MYH14: variants seen among roughly 807,000 people sequenced by gnomAD.
The protein encoded by MYH14 is myosin-14.
Under a neutral mutation model 255.5 loss-of-function variants are expected in MYH14, and 123 were observed. That is an observed-to-expected ratio of 0.48 (90% CI 0.42 to 0.56). The LOEUF is 0.56. Among genes scored for constraint, MYH14 ranks in the 20% least tolerant of loss-of-function variants. MYH14 has a pLI of 0.00. For missense variants in MYH14, 2,423 were observed against 2,802.3 expected (o/e 0.86, Z 3.06); for synonymous variants, 1,095 against 1,161.2 (o/e 0.94, Z 1.16).
Position 50,259,108 on chromosome 19 carries a change from GC to G in MYH14, c.2233-34del, listed in dbSNP as rs1568508449. On this transcript the variant is annotated intron_variant, in intron 18 of 42. Coordinates refer to ENST00000642316, the MANE Select transcript of MYH14 (RefSeq NM_001145809.2). Reference sequence around the variant, plus strand: ...GACCGTTTGGCGCCCCCGTGTGGCCGCCGCTGACCCCCGCGTGTCCGTCCGC... The same window carrying G: ...GACCGTTTGGCGCCCCCGTGTGGCCGCGCTGACCCCCGCGTGTCCGTCCGC... 5 of 1,530,118 alleles carry G rather than the reference GC, an allele frequency of 3.3e-6. No individual in the cohort carries two copies. In the Admixed American group the frequency reaches 1.0e-4, roughly 32 times the overall value. 94.8% of individuals were successfully genotyped at this position (1,530,118 alleles called of 1,614,324 possible). A position where few individuals can be genotyped will look rare whatever the true frequency, so the allele number is the denominator to read the frequency against.
Position 50,261,653 on chromosome 19 carries a change from C to G in MYH14, c.2585+18C>G. 2 of 1,575,316 alleles carry G rather than the reference C, an allele frequency of 1.3e-6. No homozygotes were observed. The highest frequency in any genetic ancestry group is 1.7e-6 in the Non-Finnish European group (2 of 1,162,898). ...GCTCGCAGGTGGGCAGCCACGCTGTCTCCCGGGGTCCTGTTGGCCGAGACT... is the reference window on the plus strand; with the variant it reads ...GCTCGCAGGTGGGCAGCCACGCTGTGTCCCGGGGTCCTGTTGGCCGAGACT... On this transcript the variant is annotated intron_variant, in intron 21 of 42. Coordinates refer to ENST00000642316, the MANE Select transcript of MYH14 (RefSeq NM_001145809.2).
In MYH14 at chr19:50,276,227, G is replaced by C. The variant is rs754167357; in HGVS notation, c.3680+24G>C. 1.3e-6 allele frequency: 2 copies of C among 1,499,328 alleles called. No homozygotes were observed. Among genetic ancestry groups the C allele is most frequent in the South Asian group, 2.5e-5 (2 of 79,738 alleles). The allele number at this position is 1,499,328 out of a possible 1,614,324, so 92.9% of individuals were successfully genotyped here. A position where few individuals can be genotyped will look rare whatever the true frequency, so the allele number is the denominator to read the frequency against. On this transcript the variant is annotated intron_variant, in intron 28 of 42. Transcript: ENST00000642316. This position sits in a 1 kb window ranked among gnomAD's most constrained non-coding sequence, Gnocchi z 4.3. The stretch of plus-strand genomic sequence containing the variant: ...CGGTGAGGCCCGGTGGCAGGCCGCT[G>C]TCACAGCCTGTGCACATACAGGGCT...
At chr19:50,262,947 C>G (rs1203656390) in intron 21 of MYH14, among the ~76,000 whole-genome samples, 1 of 152,126 alleles carries the variant, frequency 6.6e-6, no homozygotes, top group Non-Finnish European at 1.5e-5. Context: ...CCCCTGTAAT[C>G]TCAGCACTTT....
At chr19:50,227,388 C>T (rs759946837) in intron 8 of MYH14, among the ~76,000 whole-genome samples, 3 of 152,064 alleles carry the variant, frequency 2.0e-5, no homozygotes, top group Non-Finnish European at 2.9e-5. Context: ...AATGCTGTCC[C>T]GGGGAAGCAC....
At chr19:50,269,966 G>A (rs2035232479) in intron 24 of MYH14, among the ~76,000 whole-genome samples, 1 of 152,178 alleles carries the variant, frequency 6.6e-6, no homozygotes, top group African/African-American at 2.4e-5. Context: ...GTGGCTCAAT[G>A]TGTAATCCCG....
At chr19:50,309,244 C>A in intron 42 of MYH14, 67 bp downstream of exon 42, 1 of 1,482,728 alleles carries the variant, frequency 6.7e-7, no homozygotes, top group Non-Finnish European at 9.4e-7. Context: ...CCCAGGGACG[C>A]GAGGCCGTGC....
chr19:50,280,146 C>G lies in MYH14; in HGVS notation c.4137+5C>G. On this transcript the variant is annotated splice_donor_5th_base_variant and intron_variant, in intron 31 of 42. Coordinates refer to ENST00000642316, the MANE Select transcript of MYH14 (RefSeq NM_001145809.2). The surrounding 1 kb of genome is among the most constrained non-coding windows in gnomAD (Gnocchi z 4.8). ...GCCCAGCTGCACGATGCCCAGGTGA[C>G]CCTGCCTGCCCTTCGGCTCCACCGT... 1 of 1,590,622 alleles carries G rather than the reference C, an allele frequency of 6.3e-7. No homozygotes were observed.
Position 50,271,401 on chromosome 19 carries a change from C to CA in MYH14, c.3034-7dup. 1 of 1,597,524 alleles carries CA rather than the reference C, an allele frequency of 6.3e-7. No homozygotes were observed. The highest frequency in any genetic ancestry group is 8.5e-7 in the Non-Finnish European group (1 of 1,172,522). On this transcript the variant is annotated splice_polypyrimidine_tract_variant and splice_region_variant and intron_variant, in intron 24 of 42. Coordinates refer to ENST00000642316, the MANE Select transcript of MYH14 (RefSeq NM_001145809.2). ...AGTATCCTCACTCCTCCTGCCTTCC[C>CA]ACCCCAGGAGCTAGAGGCCCACCTT...
chr19:50,309,155 A>G lies in MYH14; in HGVS notation c.5938A>G (p.Thr1980Ala). The G allele has an allele frequency of 1.9e-6, 3 of 1,613,788 alleles. No homozygotes were observed. The highest frequency in any genetic ancestry group is 1.7e-6 in the Non-Finnish European group (2 of 1,179,780). Residue 1980 changes from threonine to alanine, a missense_variant, in exon 42 of 43, where the codon ACC (threonine) becomes GCC (alanine). This residue lies in a region of MYH14 where 1,513 missense variants were observed against 1,674.8 expected (regional missense o/e 0.90). Transcript: ENST00000642316. Reference protein sequence around the residue: ...ESAESMNREVTTLRNRLRRGP... With the variant: ...ESAESMNREVATLRNRLRRGP... ...GGCCGAGTCCATGAACCGTGAAGTGACCACACTGAGGAACCGGCTTCGGTA... is the reference window on the plus strand; with the variant it reads ...GGCCGAGTCCATGAACCGTGAAGTGGCCACACTGAGGAACCGGCTTCGGTA...
intron 24 of MYH14, 93 bp downstream of exon 24, chr19:50,268,460 A>C: frequency 7.4e-7 from 1 of 1,350,828 alleles, no homozygotes; most frequent in East Asian, 2.5e-5. Context: ...TCTTTGGGCC[A>C]TGAATTTGTA....
At chr19:50,206,665 T>C (rs2031772967) in intron 1 of MYH14, among the ~76,000 whole-genome samples, 1 of 152,056 alleles carries the variant, frequency 6.6e-6, no homozygotes, top group Non-Finnish European at 1.5e-5. Flanking sequence ...GTGGGTCCTC[T>C]CAGCGGAGCT....
At position 50,291,701 on chromosome 19, in the gene MYH14, C is replaced by G. The variant is rs923728385; in HGVS notation, c.5128-560C>G. 4.6e-5 allele frequency among the ~76,000 whole-genome samples: 7 copies of G among 152,046 alleles called. No individual in the cohort carries two copies. In the South Asian group the frequency reaches 1.5e-3, roughly 32 times the overall value. On this transcript the variant is annotated intron_variant, in intron 36 of 42. Coordinates refer to ENST00000642316, the MANE Select transcript of MYH14 (RefSeq NM_001145809.2). ...CCAATATGGTGAAACCCTGTTTCTA[C>G]TAAAAATACAAGAATTAGCCAGGCA...
intron 35 of MYH14, among the ~76,000 whole-genome samples, chr19:50,290,097 C>T (rs1171367574): frequency 6.6e-6 from 1 of 152,060 alleles, no homozygotes; most frequent in African/African-American, 2.4e-5. Flanking sequence ...CCCCAACCAG[C>T]GTTGTGTCCA....
intron 18 of MYH14, among the ~76,000 whole-genome samples, chr19:50,258,209 C>T (rs796491911): frequency 2.0e-5 from 3 of 151,462 alleles, no homozygotes; most frequent in Non-Finnish European, 4.4e-5. Context: ...GGATTACAGG[C>T]GTGAGCCACC....
At chr19:50,285,374 G>A (rs551862111) in intron 33 of MYH14, 7 of 152,286 alleles carry the variant, frequency 4.6e-5, no homozygotes, top group African/African-American at 7.2e-5. Context: ...TTTTCTCACC[G>A]AGGAAGAGGG....
At chr19:50,246,178 C>T (rs1046715267) in intron 11 of MYH14, among the ~76,000 whole-genome samples, 6 of 140,488 alleles carry the variant, frequency 4.3e-5, no homozygotes, top group African/African-American at 1.6e-4. Flanking sequence ...AATGAAGTCT[C>T]GCCCAGACTG....
rs1378569025 is a variant in MYH14 at position 50,221,893 on chromosome 19, C to T, written c.563-1190C>T. Among the ~76,000 whole-genome samples the T allele has an allele frequency of 6.6e-6, 1 of 152,208 alleles. No individual in the cohort carries two copies. Among genetic ancestry groups the T allele is most frequent in the Non-Finnish European group, 1.5e-5 (1 of 68,044 alleles). On this transcript the variant is annotated intron_variant, in intron 3 of 42. Coordinates refer to ENST00000642316, the MANE Select transcript of MYH14 (RefSeq NM_001145809.2). This position sits in a 1 kb window ranked among gnomAD's most constrained non-coding sequence, Gnocchi z 5.3. ...TCAGAGCCTTTCCCCTGGCTGTGCC[C>T]TCTGCCTGAAATGCCACCTCCACTG...
chr19:50,217,500 C>A, intron 2 of MYH14, 115 bp from the exon 3 acceptor site: 1 of 1,125,266 alleles, frequency 8.9e-7, no homozygotes, highest in Non-Finnish European at 1.4e-6. Context: ...ATGGTGTAGA[C>A]ATACCATGTG....
At chr19:50,297,803 A>G (rs2036329123) in intron 39 of MYH14, among the ~76,000 whole-genome samples, 1 of 151,802 alleles carries the variant, frequency 6.6e-6, no homozygotes, top group African/African-American at 2.4e-5. Flanking sequence ...CCTGGCCCTC[A>G]TCTCCTCTTA....
Sources: gnomAD v4.1 joint callset for allele counts (sites outside exome capture counted in the v4.1 genomes callset) on GRCh38, gnomAD v4.1.1 for gene constraint, gnomAD v4.1.1 regional missense constraint, Gnocchi (gnomAD v3.1) non-coding constraint, MANE v1.5 for transcripts, NCBI Gene and HGNC (gene_info 2026-07-23, HGNC 2026-07-21) for gene names.